PPIL2: variants seen among roughly 807,000 people sequenced by gnomAD.
PPIL2 encodes the protein peptidylprolyl isomerase like 2.
Under a neutral mutation model 75.2 loss-of-function variants are expected in PPIL2, and 50 were observed. The observed-to-expected ratio is 0.66, with a 90% confidence interval of 0.53 to 0.84. The LOEUF is 0.84. PPIL2 is among the 40% of genes least tolerant of loss of function. PPIL2 has a pLI of 0.00. For synonymous variants in PPIL2, 245 were observed against 258.8 expected (o/e 0.95, Z 0.51); for missense variants, 590 against 685.0 (o/e 0.86, Z 1.55).
chr22:21,684,773 G>A lies in PPIL2; in HGVS notation c.574G>A (p.Asp192Asn), dbSNP rs1023665175. The A allele has an allele frequency of 6.2e-7, 1 of 1,614,070 alleles. No individual in the cohort carries two copies. The highest frequency in any genetic ancestry group is 8.5e-7 in the Non-Finnish European group (1 of 1,180,024). The stretch of plus-strand genomic sequence containing the variant: ...TGTAGATGAAGAGAAGGCCAAACAG[G>A]ACCCGTCTTATTATCTGAAAAATAC... Reference protein sequence around the residue: ...IDPDEEKAKQDPSYYLKNTNA... With the variant: ...IDPDEEKAKQNPSYYLKNTNA... The change falls in exon 10 of 20, where the codon GAC (aspartate) becomes AAC (asparagine). Residue 192 changes from aspartate (D) to asparagine (N), a missense_variant. Coordinates refer to ENST00000398831, the MANE Select transcript of PPIL2 (RefSeq NM_014337.4).
At chr22:21,681,616 A>C (rs960065010) in intron 7 of PPIL2, among the ~76,000 whole-genome samples, 1 of 152,242 alleles carries the variant, frequency 6.6e-6, no homozygotes, top group Admixed American at 6.5e-5. Flanking sequence ...GAATCCAGGC[A>C]GTCCTGGCTG....
intron 6 of PPIL2, among the ~76,000 whole-genome samples, chr22:21,676,931 C>T (rs59122534): frequency 0.024 from 3,690 of 151,094 alleles, 144 homozygotes; most frequent in African/African-American, 0.085. Flanking sequence ...CCAGAAGGGG[C>T]GGCCGGGCAG....
chr22:21,691,225 T>G (rs994384214), intron 15 of PPIL2, among the ~76,000 whole-genome samples: 1 of 151,888 alleles, frequency 6.6e-6, no homozygotes, highest in African/African-American at 2.4e-5. Context: ...ATTACAGGCA[T>G]GAGCCACCAC....
At position 21,697,474 on chromosome 22, in the gene PPIL2, C is replaced by G. The variant is rs748810037; in HGVS notation, c.*1984C>G. On this transcript the variant is annotated 3_prime_UTR_variant, in exon 20 of 20. Coordinates refer to ENST00000398831, the MANE Select transcript of PPIL2 (RefSeq NM_014337.4). ...AGACAGCCCTCTGCTCTCAGCGGCG[C>G]CACAGAGAGCCTGGGCTCAGCCTTC... 9.2e-5 allele frequency: 15 copies of G among 162,658 alleles called. No individual in the cohort carries two copies. The highest frequency in any genetic ancestry group is 1.6e-4 in the Non-Finnish European group (12 of 74,002). 10.1% of individuals were successfully genotyped at this position (162,658 alleles called of 1,614,324 possible). A position where few individuals can be genotyped will look rare whatever the true frequency, so the allele number is the denominator to read the frequency against.
intron 4 of PPIL2, among the ~76,000 whole-genome samples, chr22:21,671,638 G>A (rs542542916): frequency 4.4e-4 from 67 of 152,008 alleles, no homozygotes; most frequent in African/African-American, 1.3e-3. Context: ...GAACTCCTGC[G>A]CTGAAGCAGT....
chr22:21,694,503 C>T, intron 16 of PPIL2, 90 bp from the exon 17 acceptor site: 1 of 1,462,508 alleles, frequency 6.8e-7, no homozygotes, highest in Non-Finnish European at 9.5e-7. Flanking sequence ...CCTCGGGGCT[C>T]TCAACCCCTC....
Position 21,692,381 on chromosome 22 carries a change from C to T in PPIL2, c.1140-1435C>T, listed in dbSNP as rs369713644. 2.1e-3 allele frequency among the ~76,000 whole-genome samples: 317 copies of T among 151,506 alleles called. 2 individuals are homozygous for T. Among genetic ancestry groups the T allele is most frequent in the African/African-American group, 6.8e-3 (283 of 41,440 alleles). On this transcript the variant is annotated intron_variant, in intron 15 of 19. Transcript: ENST00000398831. The stretch of plus-strand genomic sequence containing the variant: ...GTGTTAGCGAGGATGGTCTCGATCT[C>T]CTGACCTTGTGATCCGCCCACCTTG...
intron 6 of PPIL2, among the ~76,000 whole-genome samples, chr22:21,678,813 A>T (rs560599737): frequency 6.6e-5 from 10 of 151,188 alleles, no homozygotes. Context: ...TGTTGCTTCG[A>T]CCTTCCAGGA....
downstream of PPIL2, chr22:21,699,708 G>A (rs2068045219): frequency 6.5e-6 from 1 of 152,746 alleles, no homozygotes; most frequent in Non-Finnish European, 1.5e-5. Context: ...TTTCCTGTGG[G>A]TTCTGGCCTC....
chr22:21,671,154 G>A, intron 4 of PPIL2, 95 bp downstream of exon 4: 1 of 1,227,808 alleles, frequency 8.1e-7, no homozygotes, highest in East Asian at 2.3e-5. Flanking sequence ...GGGCTCTTGG[G>A]CACACAGAAG....
intron 7 of PPIL2, 53 bp downstream of exon 7, chr22:21,681,443 T>C: frequency 6.7e-7 from 1 of 1,495,194 alleles, no homozygotes. Flanking sequence ...CTCTGCTGTG[T>C]GTTCCTAGTA....
chr22:21,697,982 T>TA (rs551155683), downstream of PPIL2: 5 of 152,314 alleles, frequency 3.3e-5, no homozygotes, highest in African/African-American at 1.2e-4. Context: ...ACTGTGTGTA[T>TA]AAAACAATGC....
At chr22:21,667,152 ATTTT>A (rs747410460) in intron 1 of PPIL2, among the ~76,000 whole-genome samples, 43 of 106,548 alleles carry the variant, frequency 4.0e-4, no homozygotes, top group African/African-American at 7.1e-4. Flanking sequence ...CTCAGTCCTC[ATTTT>A]TTTTTTTTTT....
In PPIL2 at chr22:21,688,099, A is replaced by G. The variant is rs963683571; in HGVS notation, c.1014A>G (p.Thr338=). ...TCCAAGGGGGCGACCCCACAGGCAC[A>G]GGCACGGGTAGGTACTGGTGCTGGG... is the stretch of plus-strand genomic sequence containing the variant. ...FVIQGGDPTG[T]GTGGESYWGK... Residue 338 remains threonine (T), a synonymous_variant, in exon 14 of 20, where the codon ACA becomes ACG. Transcript: ENST00000398831. 2 of 1,614,076 alleles carry G rather than the reference A, an allele frequency of 1.2e-6. No homozygotes were observed. Among genetic ancestry groups the G allele is most frequent in the Non-Finnish European group, 1.7e-6 (2 of 1,180,046 alleles).
rs778485489 is a variant in PPIL2, at chr22:21,694,919, C to T, written c.1333-18C>T. The T allele has an allele frequency of 1.5e-5, 24 of 1,610,580 alleles. No homozygotes were observed. Among genetic ancestry groups the T allele is most frequent in the Middle Eastern group, 3.3e-4 (2 of 6,066 alleles). ...GCCCGAGGTGCTGCCGGTTAGCCAG[C>T]GCCCTGTTGTGCCACAGATTGCGCA... On this transcript the variant is annotated intron_variant, in intron 18 of 19. Coordinates refer to ENST00000398831, the MANE Select transcript of PPIL2 (RefSeq NM_014337.4).
chr22:21,677,195 T>C (rs1026531886), intron 6 of PPIL2, among the ~76,000 whole-genome samples: 2 of 149,682 alleles, frequency 1.3e-5, no homozygotes, highest in African/African-American at 2.5e-5. Context: ...GCAGAGACAC[T>C]CCTCACCTCC....
Position 21,669,839 on chromosome 22 carries a change from GATT to G in PPIL2, c.33-72_33-70del. ...AGTAAGCATTTGCTGAGTAAGCAAA[GATT>G]ACTCACTTCCAAAGACTTCGTCCTC... On this transcript the variant is annotated intron_variant, in intron 1 of 19. Transcript: ENST00000398831. 7 of 1,460,750 alleles carry G rather than the reference GATT, an allele frequency of 4.8e-6. No individual in the cohort carries two copies. In the South Asian group the frequency reaches 8.0e-5, roughly 17 times the overall value. 90.5% of individuals were successfully genotyped at this position (1,460,750 alleles called of 1,614,324 possible).
intron 19 of PPIL2, 47 bp downstream of exon 19, chr22:21,695,117 G>T: frequency 6.5e-7 from 1 of 1,530,922 alleles, no homozygotes; most frequent in East Asian, 2.3e-5. Context: ...GTGTTTCCTA[G>T]GGCTGACTGA....
At chr22:21,690,911 G>C (rs2067591811) in intron 15 of PPIL2, among the ~76,000 whole-genome samples, 1 of 150,034 alleles carries the variant, frequency 6.7e-6, no homozygotes, top group Non-Finnish European at 1.5e-5. Flanking sequence ...TTTCTCTTTG[G>C]CTTAACCAGC....
Sources: gnomAD v4.1 joint callset for allele counts (sites outside exome capture counted in the v4.1 genomes callset) on GRCh38, gnomAD v4.1.1 for gene constraint, MANE v1.5 for transcripts, NCBI Gene and HGNC (gene_info 2026-07-23, HGNC 2026-07-21) for gene names.